DNAAF9: variants seen among roughly 807,000 people sequenced by gnomAD.
DNAAF9 encodes the protein shulin.
DNAAF9 carries 90 observed loss-of-function variants against 167.0 expected under a neutral mutation model. The observed-to-expected ratio is 0.54, with a 90% CI of 0.45 to 0.64. The LOEUF is 0.64. Among genes scored for constraint, DNAAF9 ranks in the 30% least tolerant of loss-of-function variants. The pLI is 0.00. For missense variants in DNAAF9, 1,315 were observed against 1,442.2 expected (o/e 0.91, Z 1.43); for synonymous variants, 491 against 508.8 (o/e 0.96, Z 0.47).
rs568972552 is a variant in DNAAF9 at position 3,398,318 on chromosome 20, A to G, written c.83+9157T>C. Among the ~76,000 whole-genome samples, 41 of 152,148 alleles carry G rather than the reference A, an allele frequency of 2.7e-4. No homozygotes were observed. The South Asian group carries it at 8.5e-3, about 32-fold the overall frequency. ...AGTCCCTAAGGCACTAGTTCCAGCA[A>G]CTCTTCCTATAAGTCTATCTCCCCA... On this transcript the variant is annotated intron_variant, in intron 1 of 36. Coordinates refer to ENST00000252032, the MANE Select transcript of DNAAF9 (RefSeq NM_001009984.3).
At chr20:3,275,462 C>T (rs926622718) in intron 29 of DNAAF9, among the ~76,000 whole-genome samples, 2 of 152,232 alleles carry the variant, frequency 1.3e-5, no homozygotes, top group Non-Finnish European at 2.9e-5. Context: ...CTGACAGACA[C>T]AACTTGTACA....
At chr20:3,403,306 C>G (rs1458458909) in intron 1 of DNAAF9, among the ~76,000 whole-genome samples, 1 of 152,024 alleles carries the variant, frequency 6.6e-6, no homozygotes, top group Non-Finnish European at 1.5e-5. Flanking sequence ...AATCCTAAAA[C>G]TTTTCCTTAT....
chr20:3,370,088 G>A (rs1286606552), intron 6 of DNAAF9, among the ~76,000 whole-genome samples: 1 of 148,752 alleles, frequency 6.7e-6, no homozygotes, highest in Non-Finnish European at 1.5e-5. Flanking sequence ...TAACTGGAAG[G>A]TGTATATTCC....
chr20:3,326,228 G>C lies in DNAAF9; in HGVS notation c.1157C>G (p.Ala386Gly). 3 of 1,612,738 alleles carry C rather than the reference G, an allele frequency of 1.9e-6. No individual in the cohort carries two copies. The highest frequency in any genetic ancestry group is 2.5e-6 in the Non-Finnish European group (3 of 1,178,816). Residue 386 changes from alanine to glycine, a missense_variant, in exon 13 of 37, where the codon GCA becomes GGA. This residue lies in a region of DNAAF9 where 981 missense variants were observed against 1,012.5 expected (regional missense o/e 0.97). Transcript: ENST00000252032. ...AVIEAVLAGI[A>G]CYAKTSSLTK... ...TAGACTGGAAGTTTTAGCATAACAT[G>C]CAATGCCAGCCAAAACAGCCTCAAT...
chr20:3,399,785 C>G (rs2083958939), intron 1 of DNAAF9, among the ~76,000 whole-genome samples: 1 of 152,174 alleles, frequency 6.6e-6, no homozygotes, highest in South Asian at 2.1e-4. Flanking sequence ...AACACAAACA[C>G]AGAAGAGGCC....
chr20:3,310,807 C>T (rs189965657), intron 20 of DNAAF9, among the ~76,000 whole-genome samples: 30 of 152,074 alleles, frequency 2.0e-4, no homozygotes, highest in African/African-American at 3.6e-4. Context: ...TAAATAAAGA[C>T]GGTTCACTAA....
rs1258382355 is a variant in DNAAF9, at chr20:3,394,942, C to CTTTTTTTTTTTTT, written c.84-12437_84-12436insAAAAAAAAAAAAA. 3.5e-4 allele frequency among the ~76,000 whole-genome samples: 31 copies of CTTTTTTTTTTTTT among 89,050 alleles called. 7 individuals carry two copies. Among genetic ancestry groups the CTTTTTTTTTTTTT allele is most frequent in the Non-Finnish European group, 4.4e-4 (19 of 42,878 alleles). The allele number at this position is 89,050 out of a possible 152,430, so 58.4% of individuals were successfully genotyped here. On this transcript the variant is annotated intron_variant, in intron 1 of 36. Transcript: ENST00000252032. ...TTCCATGGCTTTTACTGAACATTTT[C>CTTTTTTTTTTTTT]TTTTTTCTTTTTTTTTTTTTTTTTT...
At chr20:3,380,237 A>G (rs1326977314) in intron 3 of DNAAF9, among the ~76,000 whole-genome samples, 2 of 152,244 alleles carry the variant, frequency 1.3e-5, no homozygotes, top group Non-Finnish European at 2.9e-5. Flanking sequence ...GTAAGGAAAA[A>G]AATATTTTGT....
intron 10 of DNAAF9, among the ~76,000 whole-genome samples, chr20:3,332,900 G>GTGTGTGTGTGTGTGTGT (rs1376871054): frequency 6.8e-6 from 1 of 146,840 alleles, no homozygotes; most frequent in Non-Finnish European, 1.5e-5. Context: ...GTGTGCGTGT[G>GTGTGTGTGTGTGTGTGT]GTGTGTGTGT....
In DNAAF9 at chr20:3,287,793, G is replaced by A. The variant is rs369753110; in HGVS notation, c.2328-3C>T. 6.7e-5 allele frequency: 108 copies of A among 1,614,048 alleles called. No individual in the cohort carries two copies. In the African/African-American group the frequency reaches 1.2e-3, roughly 18 times the overall value. ...TGATTTGGCGATACACCATCCATCT[G>A]GAAAGGTAAAAGGTAACCTCTGCAT... is the stretch of plus-strand genomic sequence containing the variant. On this transcript the variant is annotated splice_region_variant and splice_polypyrimidine_tract_variant and intron_variant, in intron 26 of 36. Coordinates refer to ENST00000252032, the MANE Select transcript of DNAAF9 (RefSeq NM_001009984.3).
At chr20:3,263,742 C>G (rs2068435509) in intron 31 of DNAAF9, among the ~76,000 whole-genome samples, 2 of 152,238 alleles carry the variant, frequency 1.3e-5, no homozygotes, top group Non-Finnish European at 2.9e-5. Flanking sequence ...GACACGGTAG[C>G]TGCCAGCCAC....
rs1055431404 is a variant in DNAAF9 at position 3,252,537 on chromosome 20, G to A, written c.*35C>T. On this transcript the variant is annotated 3_prime_UTR_variant, in exon 37 of 37. Transcript: ENST00000252032. The stretch of plus-strand genomic sequence containing the variant: ...ACACCCGTTCGTCCATCTCCAAGGT[G>A]GACATTCTGCAGGACGTACGGGCCC... 1.7e-6 allele frequency: 2 copies of A among 1,145,740 alleles called. No homozygotes were observed. The highest frequency in any genetic ancestry group is 1.2e-5 in the South Asian group (1 of 81,704). 71.0% of individuals were successfully genotyped at this position (1,145,740 alleles called of 1,614,324 possible).
intron 23 of DNAAF9, chr20:3,295,720 T>A (rs554516965): frequency 3.3e-6 from 2 of 609,086 alleles, no homozygotes; most frequent in East Asian, 8.0e-5. Flanking sequence ...TTTTATTATC[T>A]GGCATAACGC....
chr20:3,315,570 T>C lies in DNAAF9; in HGVS notation c.1590+165A>G, dbSNP rs2069487488. On this transcript the variant is annotated intron_variant, in intron 19 of 36. Coordinates refer to ENST00000252032, the MANE Select transcript of DNAAF9 (RefSeq NM_001009984.3). This position sits in a 1 kb window ranked among gnomAD's most constrained non-coding sequence, Gnocchi z 4.1. ...TAATTGTATCCCCCATAAATGGTTA[T>C]TTCTAAAGCTCTGCTGGGAAGGGGA... Among the ~76,000 whole-genome samples, 1 of 152,246 alleles carries C rather than the reference T, an allele frequency of 6.6e-6. No individual in the cohort carries two copies. The highest frequency in any genetic ancestry group is 2.4e-5 in the African/African-American group (1 of 41,474).
At chr20:3,323,287 T>C (rs2069651581) in intron 14 of DNAAF9, among the ~76,000 whole-genome samples, 1 of 130,556 alleles carries the variant, frequency 7.7e-6, no homozygotes. Context: ...TTTTTTTTTT[T>C]TTTTTTTTTT....
intron 10 of DNAAF9, among the ~76,000 whole-genome samples, chr20:3,334,283 C>T (rs2069895550): frequency 6.6e-6 from 1 of 152,208 alleles, no homozygotes; most frequent in South Asian, 2.1e-4. Context: ...GTCTCACGGT[C>T]ATTTCAAACT....
chr20:3,367,075 T>C (rs1290187873), intron 6 of DNAAF9, among the ~76,000 whole-genome samples: 1 of 152,264 alleles, frequency 6.6e-6, no homozygotes, highest in African/African-American at 2.4e-5. Context: ...ATCTTCTGAA[T>C]AACTTGCTGC....
At chr20:3,340,420 C>G (rs960761840) in intron 10 of DNAAF9, 84 bp downstream of exon 10, 32 of 956,434 alleles carry the variant, frequency 3.3e-5, no homozygotes, top group African/African-American at 5.0e-5. Context: ...GGAAAAGGTT[C>G]TTTTTGTCTA....
chr20:3,370,712 C>T (rs145442033), intron 6 of DNAAF9, among the ~76,000 whole-genome samples: 88 of 152,160 alleles, frequency 5.8e-4, no homozygotes, highest in African/African-American at 2.0e-3. Flanking sequence ...CCAGCCGTGC[C>T]CGACTAATTT....
Sources: allele counts gnomAD v4.1 joint callset (sites outside exome capture counted in the v4.1 genomes callset), GRCh38; gene constraint gnomAD v4.1.1; regional missense constraint gnomAD v4.1.1; non-coding constraint Gnocchi (gnomAD v3.1); transcripts MANE v1.5; gene names NCBI Gene and HGNC (gene_info 2026-07-23, HGNC 2026-07-21).